The following STK32B variants were observed in gnomAD, a reference collection of about 807,000 sequenced individuals.
STK32B encodes serine/threonine-protein kinase 32B.
STK32B carries 43 observed loss-of-function variants against 52.6 expected under a neutral mutation model. The observed-to-expected ratio is 0.82, with a 90% confidence interval of 0.64 to 1.05. STK32B has a LOEUF of 1.05. Among genes scored for constraint, STK32B ranks in the 50% least tolerant of loss-of-function variants. The pLI is 0.00. For synonymous variants in STK32B, 238 were observed against 204.3 expected (o/e 1.17, Z -1.41); for missense variants, 621 against 534.6 (o/e 1.16, Z -1.59).
At chr4:5,227,735 A>G (rs548131978) in intron 3 of STK32B, among the ~76,000 whole-genome samples, 2 of 152,336 alleles carry the variant, frequency 1.3e-5, no homozygotes, top group African/African-American at 4.8e-5. Flanking sequence ...CTTTATATGT[A>G]CTTTCTATTT....
chr4:5,385,198 G>A (rs1187829902), intron 4 of STK32B, among the ~76,000 whole-genome samples: 1 of 152,028 alleles, frequency 6.6e-6, no homozygotes, highest in Admixed American at 6.6e-5. Flanking sequence ...AAGAACAGGA[G>A]GGTTTAGATT....
chr4:5,496,548 C>CCTGCTTCTGCTCGCGCACGGTGCT (rs61698429), intron 11 of STK32B, among the ~76,000 whole-genome samples: 1 of 137,918 alleles, frequency 7.3e-6, no homozygotes, highest in African/African-American at 3.3e-5. Flanking sequence ...AATGCCTTGC[C>CCTGCTTCTGCTCGCGCACGGTGCT]CTGCACCCAC....
the STK32B span, among the ~76,000 whole-genome samples, chr4:5,032,476 CAAAAAA>C: frequency 4.0e-5 from 2 of 49,698 alleles, no homozygotes; most frequent in African/African-American, 1.6e-4. Context: ...GACTCCATCT[CAAAAAA>C]AAAAAAAAAA....
chr4:5,205,197 T>A (rs1286661973), intron 3 of STK32B, among the ~76,000 whole-genome samples: 1 of 151,388 alleles, frequency 6.6e-6, no homozygotes, highest in Non-Finnish European at 1.5e-5. Context: ...CTCCTGGTCC[T>A]CAGGCCTTTG....
Position 5,429,744 on chromosome 4 carries a change from A to G in STK32B, c.562+12810A>G, listed in dbSNP as rs1472721821. ...AGGACTTCCTTTAACAATTTTGACT[A>G]TTAAAATCTACTGGTAATGAATTCT... On this transcript the variant is annotated intron_variant, in intron 6 of 11. Transcript: ENST00000282908. 2.0e-5 allele frequency among the ~76,000 whole-genome samples: 3 copies of G among 152,256 alleles called. No homozygotes were observed. The East Asian group carries it at 5.8e-4, about 29-fold the overall frequency.
intron 3 of STK32B, among the ~76,000 whole-genome samples, chr4:5,264,695 G>A (rs1282762994): frequency 6.6e-6 from 1 of 152,110 alleles, no homozygotes; most frequent in African/African-American, 2.4e-5. Flanking sequence ...GCTGAGGCAG[G>A]AGAATGGCGT....
chr4:5,196,868 G>A (rs1721720745), intron 3 of STK32B, among the ~76,000 whole-genome samples: 1 of 152,142 alleles, frequency 6.6e-6, no homozygotes, highest in South Asian at 2.1e-4. Flanking sequence ...GCACTCCACG[G>A]CCCTAGACAG....
chr4:5,454,205 C>G (rs1307297354), intron 7 of STK32B, among the ~76,000 whole-genome samples: 2 of 152,186 alleles, frequency 1.3e-5, no homozygotes, highest in Non-Finnish European at 2.9e-5. Flanking sequence ...AAGTCAGCCA[C>G]CTCCTGGAGT....
the STK32B span, among the ~76,000 whole-genome samples, chr4:5,038,985 C>CTTTT: frequency 2.2e-3 from 270 of 122,216 alleles, no homozygotes; most frequent in East Asian, 3.4e-3. Flanking sequence ...AAATTTCTTT[C>CTTTT]TTTTTTTTTT....
chr4:5,029,834 C>T, the STK32B span, among the ~76,000 whole-genome samples: 1 of 152,202 alleles, frequency 6.6e-6, no homozygotes, highest in Non-Finnish European at 1.5e-5. Context: ...CAAATCTCAT[C>T]TTGAATTGTA....
chr4:5,415,540 G>T (rs765106412), intron 5 of STK32B, among the ~76,000 whole-genome samples: 2 of 152,224 alleles, frequency 1.3e-5, no homozygotes, highest in Non-Finnish European at 2.9e-5. Context: ...GGCTAAAGTA[G>T]CCTGGGTATG....
chr4:5,365,296 A>G (rs1354664241), intron 4 of STK32B, among the ~76,000 whole-genome samples: 1 of 152,154 alleles, frequency 6.6e-6, no homozygotes, highest in African/African-American at 2.4e-5. Flanking sequence ...TTATTTACGT[A>G]TCTGCCTCCT....
intron 9 of STK32B, among the ~76,000 whole-genome samples, chr4:5,462,284 G>A (rs1717091104): frequency 1.3e-5 from 2 of 151,470 alleles, no homozygotes; most frequent in African/African-American, 2.4e-5. Flanking sequence ...GTGTGTGTAT[G>A]TGTCTGTGTG....
At chr4:5,359,582 G>A (rs1281241864) in intron 4 of STK32B, among the ~76,000 whole-genome samples, 1 of 152,210 alleles carries the variant, frequency 6.6e-6, no homozygotes, top group Admixed American at 6.5e-5. Context: ...GCAGTGATAA[G>A]TGCTGTGAAA....
intron 11 of STK32B, among the ~76,000 whole-genome samples, chr4:5,472,732 A>C (rs1458756677): frequency 6.6e-6 from 1 of 152,240 alleles, no homozygotes; most frequent in Non-Finnish European, 1.5e-5. Flanking sequence ...GTCCTTGAAA[A>C]TATCACATTT....
chr4:5,150,423 TTTGTCTTACATCC>T (rs1449263164), intron 2 of STK32B, among the ~76,000 whole-genome samples: 4 of 152,282 alleles, frequency 2.6e-5, no homozygotes, highest in Non-Finnish European at 5.9e-5. Flanking sequence ...ATTAAGTAGT[TTTGTCTTACATCC>T]TGGACATTGT....
At chr4:5,029,406 G>A in the STK32B span, among the ~76,000 whole-genome samples, 2 of 152,162 alleles carry the variant, frequency 1.3e-5, no homozygotes, top group African/African-American at 4.8e-5. Flanking sequence ...GAAATTTCAG[G>A]TGTGGAAAAC....
intron 4 of STK32B, among the ~76,000 whole-genome samples, chr4:5,346,811 G>C (rs998497007): frequency 1.3e-5 from 2 of 152,150 alleles, no homozygotes; most frequent in African/African-American, 4.8e-5. Context: ...CCAAGACTGG[G>C]TAGTTTAGAA....
chr4:5,024,172 A>G, the STK32B span, among the ~76,000 whole-genome samples: 1 of 152,232 alleles, frequency 6.6e-6, no homozygotes, highest in Admixed American at 6.5e-5. Context: ...TTATTCTAAC[A>G]CTAATCCAGA....
Sources: gnomAD v4.1 joint callset for allele counts (sites outside exome capture counted in the v4.1 genomes callset) on GRCh38, gnomAD v4.1.1 for gene constraint, MANE v1.5 for transcripts, NCBI Gene and HGNC (gene_info 2026-07-23, HGNC 2026-07-21) for gene names.